Variants in RNF144B observed in about 807,000 individuals in gnomAD.
RNF144B encodes ring finger protein 144B.
A neutral mutation model predicts 40.2 loss-of-function variants in RNF144B; 25 were observed. The observed-to-expected ratio is 0.62, with a 90% CI of 0.45 to 0.87. The LOEUF is 0.87. Among genes scored for constraint, RNF144B ranks in the 40% least tolerant of loss-of-function variants. The pLI is 0.00. For missense variants in RNF144B, 365 were observed against 373.7 expected (o/e 0.98, Z 0.19); for synonymous variants, 145 against 136.3 (o/e 1.06, Z -0.44).
rs967855709 is a variant in RNF144B, at chr6:18,456,217, C to G, written c.332-938C>G. Among the ~76,000 whole-genome samples, 1 of 152,166 alleles carries G rather than the reference C, an allele frequency of 6.6e-6. No individual in the cohort carries two copies. Among genetic ancestry groups the G allele is most frequent in the African/African-American group, 2.4e-5 (1 of 41,442 alleles). On this transcript the variant is annotated intron_variant, in intron 4 of 7. Transcript: ENST00000259939. The surrounding 1 kb of genome is among the most constrained non-coding windows in gnomAD (Gnocchi z 4.7). The stretch of plus-strand genomic sequence containing the variant: ...GATTACAGGCGTGAGCCACAGTGCC[C>G]GGCCCACATGTGGGTCTTTCACACA...
intron 3 of RNF144B, among the ~76,000 whole-genome samples, chr6:18,436,606 G>A (rs913316788): frequency 9.2e-5 from 14 of 152,172 alleles, no homozygotes; most frequent in Admixed American, 7.2e-4. Flanking sequence ...GAATGATTTG[G>A]AAATTCTCGG....
chr6:18,429,636 A>G (rs1367122356), intron 3 of RNF144B, among the ~76,000 whole-genome samples: 2 of 152,216 alleles, frequency 1.3e-5, no homozygotes, highest in Admixed American at 1.3e-4. Flanking sequence ...TGTAGGGTAA[A>G]AAGAGCTATA....
intron 4 of RNF144B, among the ~76,000 whole-genome samples, chr6:18,451,015 G>C (rs970779806): frequency 6.6e-6 from 1 of 152,062 alleles, no homozygotes; most frequent in Non-Finnish European, 1.5e-5. Context: ...TGGATATTTG[G>C]ATAAAAAAAT....
In RNF144B at chr6:18,425,247, A is replaced by G. The variant is rs959764867; in HGVS notation, c.166-2334A>G. Among the ~76,000 whole-genome samples the G allele has an allele frequency of 5.3e-5, 8 of 152,130 alleles. No individual in the cohort carries two copies. The highest frequency in any genetic ancestry group is 1.2e-4 in the Non-Finnish European group (8 of 68,018). On this transcript the variant is annotated intron_variant, in intron 2 of 7. Coordinates refer to ENST00000259939, the MANE Select transcript of RNF144B (RefSeq NM_182757.4). The surrounding 1 kb of genome is among the most constrained non-coding windows in gnomAD (Gnocchi z 4.2). ...GCATTGTTCACTTTGTTTTCCTCAA[A>G]CACCTTCCCCTTGAGCCTGGAGACT...
In RNF144B at chr6:18,442,471, C is replaced by T. The variant is rs2113518480; in HGVS notation, c.331+2727C>T. ...TGAAAACAGGACAGATTGAGACTTGCCTAGGACCACATAGACTGTGGCTAA... is the reference window on the plus strand; with the variant it reads ...TGAAAACAGGACAGATTGAGACTTGTCTAGGACCACATAGACTGTGGCTAA... On this transcript the variant is annotated intron_variant, in intron 4 of 7. Coordinates refer to ENST00000259939, the MANE Select transcript of RNF144B (RefSeq NM_182757.4). The surrounding 1 kb of genome is among the most constrained non-coding windows in gnomAD (Gnocchi z 4.3). Among the ~76,000 whole-genome samples the T allele has an allele frequency of 6.6e-6, 1 of 152,296 alleles. No homozygotes were observed. The highest frequency in any genetic ancestry group is 3.4e-3 in the Middle Eastern group (1 of 294).
rs1179747613 is a variant in RNF144B at position 18,412,389 on chromosome 6, A to C, written c.165+12690A>C. On this transcript the variant is annotated intron_variant, in intron 2 of 7. Transcript: ENST00000259939. This position sits in a 1 kb window ranked among gnomAD's most constrained non-coding sequence, Gnocchi z 4.2. ...CATCTCATGAATCTATCTTTAAAAA[A>C]CATACAGTATGCTCAGTGCCAGTAT... Among the ~76,000 whole-genome samples, 2 of 152,218 alleles carry C rather than the reference A, an allele frequency of 1.3e-5. No individual in the cohort carries two copies. The highest frequency in any genetic ancestry group is 4.8e-5 in the African/African-American group (2 of 41,454).
intron 3 of RNF144B, among the ~76,000 whole-genome samples, chr6:18,429,722 T>C (rs1380206655): frequency 6.6e-6 from 1 of 152,170 alleles, no homozygotes; most frequent in African/African-American, 2.4e-5. Context: ...AAATGAGTCT[T>C]GGGTATTTGG....
rs1170609706 is a variant in RNF144B, at chr6:18,421,273, TACACACACACACACACAC to T, written c.166-6282_166-6265del. Among the ~76,000 whole-genome samples the T allele has an allele frequency of 4.9e-5, 5 of 102,266 alleles. No homozygotes were observed. The South Asian group carries it at 1.1e-3, about 22-fold the overall frequency. The allele number at this position is 102,266 out of a possible 152,430, so 67.1% of individuals were successfully genotyped here. ...TCTCAAAAAAAAAAATTATATATTA[TACACACACACACACACAC>T]ACACACACACACACACACACACACA... On this transcript the variant is annotated intron_variant, in intron 2 of 7. Coordinates refer to ENST00000259939, the MANE Select transcript of RNF144B (RefSeq NM_182757.4).
At chr6:18,439,655 G>T (rs760774745) in intron 3 of RNF144B, 29 bp from the exon 4 acceptor site, 4 of 1,566,500 alleles carry the variant, frequency 2.6e-6, no homozygotes, top group Non-Finnish European at 3.5e-6. Flanking sequence ...GATGACTGAA[G>T]TCTCAACCTT....
chr6:18,415,016 T>G (rs1755079785), intron 2 of RNF144B, among the ~76,000 whole-genome samples: 1 of 152,202 alleles, frequency 6.6e-6, no homozygotes, highest in Non-Finnish European at 1.5e-5. Context: ...GTGTAGTATT[T>G]GCATGTAACC....
chr6:18,409,874 A>T (rs1232977418), intron 2 of RNF144B, among the ~76,000 whole-genome samples: 1 of 152,146 alleles, frequency 6.6e-6, no homozygotes, highest in Non-Finnish European at 1.5e-5. Flanking sequence ...CCCGGCCTAC[A>T]TAACATTTTT....
At position 18,458,172 on chromosome 6, in the gene RNF144B, A is replaced by G. The variant is rs1759372921; in HGVS notation, c.536+813A>G. Among the ~76,000 whole-genome samples, 1 of 152,040 alleles carries G rather than the reference A, an allele frequency of 6.6e-6. No homozygotes were observed. The highest frequency in any genetic ancestry group is 1.5e-5 in the Non-Finnish European group (1 of 67,998). On this transcript the variant is annotated intron_variant, in intron 5 of 7. Coordinates refer to ENST00000259939, the MANE Select transcript of RNF144B (RefSeq NM_182757.4). This position sits in a 1 kb window ranked among gnomAD's most constrained non-coding sequence, Gnocchi z 4.8. ...AGGCTGGTCTTGAAATCCTGACCTCAAGTGATCCACCCGCCTAGGCCTCCC... is the reference window on the plus strand; with the variant it reads ...AGGCTGGTCTTGAAATCCTGACCTCGAGTGATCCACCCGCCTAGGCCTCCC...
At chr6:18,437,259 C>A (rs556279830) in intron 3 of RNF144B, among the ~76,000 whole-genome samples, 1 of 152,004 alleles carries the variant, frequency 6.6e-6, no homozygotes, top group South Asian at 2.1e-4. Context: ...GGCAACATAG[C>A]GAGACCCCAT....
rs765803483 is a variant in RNF144B, at chr6:18,457,689, G to A, written c.536+330G>A. ...CTTTGCTCAGATACAGTATCTGCCT[G>A]TATTGGTATATATCATTCTTGTTGC... is the stretch of plus-strand genomic sequence containing the variant. On this transcript the variant is annotated intron_variant, in intron 5 of 7. Transcript: ENST00000259939. The surrounding 1 kb of genome is among the most constrained non-coding windows in gnomAD (Gnocchi z 5.1). 6.6e-4 allele frequency among the ~76,000 whole-genome samples: 101 copies of A among 152,128 alleles called. No individual in the cohort carries two copies. Among genetic ancestry groups the A allele is most frequent in the Non-Finnish European group, 1.2e-3 (84 of 68,032 alleles).
In RNF144B at chr6:18,402,136, C is replaced by T. The variant is rs1381872837; in HGVS notation, c.165+2437C>T. ...TGTCTTCTGTAAGAGGCATCCCTGG[C>T]CATTTTGCTGTGAGCCTAGCTTTTT... is the stretch of plus-strand genomic sequence containing the variant. On this transcript the variant is annotated intron_variant, in intron 2 of 7. Coordinates refer to ENST00000259939, the MANE Select transcript of RNF144B (RefSeq NM_182757.4). 9.1e-5 allele frequency: 8 copies of T among 87,448 alleles called. 3 individuals are homozygous for T. Among genetic ancestry groups the T allele is most frequent in the Non-Finnish European group, 2.1e-4 (8 of 37,250 alleles). 5.4% of individuals were successfully genotyped at this position (87,448 alleles called of 1,614,324 possible).
chr6:18,396,354 C>T lies in RNF144B; in HGVS notation c.-36-3145C>T, dbSNP rs1319556442. On this transcript the variant is annotated intron_variant, in intron 1 of 7. Transcript: ENST00000259939. ...TCCAATTAATTTCTAAGAGGTATCC[C>T]AATTATGTCTTTGTTTTTCAAGAGT... is the stretch of plus-strand genomic sequence containing the variant. 13 of 936,162 alleles carry T rather than the reference C, an allele frequency of 1.4e-5. No individual in the cohort carries two copies. In the East Asian group the frequency reaches 1.5e-3, roughly 109 times the overall value. 58.0% of individuals were successfully genotyped at this position (936,162 alleles called of 1,614,324 possible).
At chr6:18,396,090 T>C (rs563187176) in intron 1 of RNF144B, among the ~76,000 whole-genome samples, 2 of 152,320 alleles carry the variant, frequency 1.3e-5, no homozygotes, top group East Asian at 3.9e-4. Flanking sequence ...AAATTACATA[T>C]GTTTTTTATA....
intron 3 of RNF144B, among the ~76,000 whole-genome samples, chr6:18,433,393 A>G (rs1006375058): frequency 5.9e-5 from 9 of 152,226 alleles, no homozygotes; most frequent in African/African-American, 1.9e-4. Context: ...ATCACATTTT[A>G]GAAAGTAGTT....
intron 4 of RNF144B, among the ~76,000 whole-genome samples, chr6:18,454,140 C>T (rs1759277004): frequency 6.6e-6 from 1 of 152,150 alleles, no homozygotes; most frequent in Admixed American, 6.5e-5. Flanking sequence ...TAACCTCACA[C>T]AGTTGGGTTC....
Sources: gnomAD v4.1 joint callset for allele counts (sites outside exome capture counted in the v4.1 genomes callset) on GRCh38, gnomAD v4.1.1 for gene constraint, Gnocchi (gnomAD v3.1) non-coding constraint, MANE v1.5 for transcripts, NCBI Gene and HGNC (gene_info 2026-07-23, HGNC 2026-07-21) for gene names.